The following UBE3C variants were observed in gnomAD, a reference collection of about 807,000 sequenced individuals.
UBE3C encodes the protein ubiquitin-protein ligase E3C.
UBE3C carries 42 observed loss-of-function variants against 129.4 expected under a neutral mutation model. The observed-to-expected ratio is 0.32, with a 90% CI of 0.25 to 0.42. UBE3C has a LOEUF of 0.42. UBE3C is among the 10% of genes least tolerant of loss of function. The probability of loss-of-function intolerance (pLI) is 1.00; values close to 1 mark genes in which losing one functional copy is unlikely to be tolerated. For missense variants in UBE3C, 1,049 were observed against 1,319.1 expected, an observed-to-expected ratio of 0.80 and a Z score of 3.17; for synonymous variants, 510 against 492.4, an observed-to-expected ratio of 1.04 and a Z score of -0.47.
chr7:157,210,354 T>A (rs1415378678), intron 13 of UBE3C, among the ~76,000 whole-genome samples: 1 of 152,174 alleles, frequency 6.6e-6, no homozygotes, highest in Non-Finnish European at 1.5e-5. Flanking sequence ...TACCTGCTAT[T>A]GAGCTGAGCC....
At chr7:157,181,976 A>G in intron 7 of UBE3C, 132 bp from the exon 8 acceptor site, 1 of 987,294 alleles carries the variant, frequency 1.0e-6, no homozygotes, top group South Asian at 1.9e-5. Flanking sequence ...GTTGATATTA[A>G]AATGGTTAAC....
chr7:157,156,831 C>T (rs761495583), intron 1 of UBE3C, among the ~76,000 whole-genome samples: 95 of 151,910 alleles, frequency 6.3e-4, no homozygotes, highest in Non-Finnish European at 1.0e-3. Context: ...CTACCACATT[C>T]CTTTAAAGAG....
chr7:157,182,470 T>G, intron 8 of UBE3C, 142 bp downstream of exon 8: 1 of 789,580 alleles, frequency 1.3e-6, no homozygotes, highest in South Asian at 1.9e-5. Flanking sequence ...GGATGTGGTC[T>G]GGGCAGTGTG....
chr7:157,240,247 G>C (rs555488928), intron 18 of UBE3C, among the ~76,000 whole-genome samples: 4 of 152,080 alleles, frequency 2.6e-5, no homozygotes, highest in Non-Finnish European at 5.9e-5. Context: ...TAGAGATGGG[G>C]TTTCGCCATG....
chr7:157,174,380 G>A (rs1191229236), intron 4 of UBE3C, among the ~76,000 whole-genome samples: 2 of 152,164 alleles, frequency 1.3e-5, no homozygotes, highest in Non-Finnish European at 2.9e-5. Flanking sequence ...TGAGCTTTAA[G>A]TGTACTTTGT....
rs539200491 is a variant in UBE3C, at chr7:157,265,406, G to A, written c.3082-2179G>A. ...TGTATACGAGGAAGGTGGAGTCACC[G>A]GTTCTTCGTGGCCATCAGAGGACCG... is the stretch of plus-strand genomic sequence containing the variant. On this transcript the variant is annotated intron_variant, in intron 22 of 22. Transcript: ENST00000348165. Among the ~76,000 whole-genome samples, 161 of 152,328 alleles carry A rather than the reference G, an allele frequency of 1.1e-3. 2 individuals carry two copies. Among genetic ancestry groups the A allele is most frequent in the Admixed American group, 2.2e-3 (34 of 15,304 alleles).
At chr7:157,241,290 T>C (rs1360282528) in intron 18 of UBE3C, among the ~76,000 whole-genome samples, 1 of 152,140 alleles carries the variant, frequency 6.6e-6, no homozygotes, top group Non-Finnish European at 1.5e-5. Flanking sequence ...GAACTGGACT[T>C]AAAAATGTTT....
chr7:157,190,792 T>C (rs1476961940), intron 10 of UBE3C, among the ~76,000 whole-genome samples: 1 of 152,244 alleles, frequency 6.6e-6, no homozygotes, highest in African/African-American at 2.4e-5. Flanking sequence ...TTTGTTTACC[T>C]CTCAACTTTA....
At chr7:157,139,372 G>A in intron 1 of UBE3C, 34 bp downstream of exon 1, 3 of 1,537,786 alleles carry the variant, frequency 2.0e-6, no homozygotes, top group East Asian at 2.5e-5. Flanking sequence ...CCCTCGGCTC[G>A]GGGCCTGCGC....
intron 19 of UBE3C, among the ~76,000 whole-genome samples, chr7:157,251,453 G>A (rs1036261553): frequency 3.9e-5 from 6 of 152,206 alleles, no homozygotes; most frequent in Non-Finnish European, 1.5e-5. Flanking sequence ...GATTGGACTT[G>A]AGTCACGACA....
chr7:157,236,909 T>G (rs1163120882), intron 18 of UBE3C, among the ~76,000 whole-genome samples: 1 of 151,990 alleles, frequency 6.6e-6, no homozygotes, highest in African/African-American at 2.4e-5. Flanking sequence ...TTTTTGTATT[T>G]TTAGTAGAGA....
chr7:157,197,540 G>T (rs1217724745), intron 10 of UBE3C: 108 of 927,484 alleles, frequency 1.2e-4, no homozygotes, highest in Non-Finnish European at 1.4e-4. Flanking sequence ...TGGAGGTATT[G>T]TCCTTATTAA....
chr7:157,232,656 A>G (rs954921979), intron 18 of UBE3C, among the ~76,000 whole-genome samples: 1 of 152,204 alleles, frequency 6.6e-6, no homozygotes, highest in Non-Finnish European at 1.5e-5. Context: ...CTGGCCTGTT[A>G]TTCGCATTCT....
chr7:157,240,165 G>A (rs1308734362), intron 18 of UBE3C, among the ~76,000 whole-genome samples: 5 of 151,970 alleles, frequency 3.3e-5, no homozygotes, highest in African/African-American at 9.7e-5. Flanking sequence ...AGCAATTCTC[G>A]TGCCTCAGCC....
At chr7:157,185,825 G>A (rs569230894) in intron 9 of UBE3C, among the ~76,000 whole-genome samples, 1 of 152,096 alleles carries the variant, frequency 6.6e-6, no homozygotes, top group South Asian at 2.1e-4. Context: ...AAAGATTCAG[G>A]TTTGACAGAT....
chr7:157,216,544 T>C (rs1173981984), intron 13 of UBE3C, among the ~76,000 whole-genome samples: 1 of 152,154 alleles, frequency 6.6e-6, no homozygotes, highest in African/African-American at 2.4e-5. Flanking sequence ...GTCTGTTCTT[T>C]CCTTCTTTGT....
chr7:157,159,147 G>T (rs1224850281), intron 1 of UBE3C, among the ~76,000 whole-genome samples: 1 of 152,132 alleles, frequency 6.6e-6, no homozygotes, highest in East Asian at 1.9e-4. Flanking sequence ...CTCTCTCCTT[G>T]ACTGTTATCT....
rs372529835 is a variant in UBE3C at position 157,183,866 on chromosome 7, T to C, written c.992-12T>C. 1 of 1,606,490 alleles carries C rather than the reference T, an allele frequency of 6.2e-7. No homozygotes were observed. Among genetic ancestry groups the C allele is most frequent in the Non-Finnish European group, 8.5e-7 (1 of 1,176,232 alleles). On this transcript the variant is annotated splice_polypyrimidine_tract_variant and intron_variant, in intron 8 of 22. Coordinates refer to ENST00000348165, the MANE Select transcript of UBE3C (RefSeq NM_014671.3). ...TTAACTAAAATACGTTTTAACTGAT[T>C]GTTTTGCAAAGGGGCCCTCTCTGAG... is the stretch of plus-strand genomic sequence containing the variant.
In UBE3C at chr7:157,177,701, G is replaced by A. The variant is rs569958370; in HGVS notation, c.459-989G>A. On this transcript the variant is annotated intron_variant, in intron 5 of 22. Transcript: ENST00000348165. ...GCTGGGTGTCCTGCCCAGCCTGCCC[G>A]CTGGGTCCTCACCCCCTGTCTCTCC... Among the ~76,000 whole-genome samples the A allele has an allele frequency of 4.6e-5, 7 of 152,326 alleles. No individual in the cohort carries two copies. In the East Asian group the frequency reaches 1.2e-3, roughly 25 times the overall value.
Sources: gnomAD v4.1 joint callset for allele counts (sites outside exome capture counted in the v4.1 genomes callset) on GRCh38, gnomAD v4.1.1 for gene constraint, MANE v1.5 for transcripts, NCBI Gene and HGNC (gene_info 2026-07-23, HGNC 2026-07-21) for gene names.